The following PLXNB2 variants were observed in gnomAD, a reference collection of about 807,000 sequenced individuals.
The protein encoded by PLXNB2 is plexin B2, also known as plexin-B2.
In PLXNB2, 85 loss-of-function variants were observed where a neutral mutation model predicts 202.6. The observed-to-expected ratio is 0.42, with a 90% confidence interval of 0.35 to 0.50. PLXNB2 has a LOEUF of 0.50. Among genes scored for constraint, PLXNB2 ranks in the 20% least tolerant of loss-of-function variants. The probability of loss-of-function intolerance (pLI) is 0.02; values close to 1 mark genes in which losing one functional copy is unlikely to be tolerated. For synonymous variants in PLXNB2, 1,239 were observed against 1,137.6 expected (o/e 1.09, Z -1.79); for missense variants, 2,063 against 2,586.2 (o/e 0.80, Z 4.39).
At chr22:50,301,861 G>A (rs909053543) in intron 1 of PLXNB2, among the ~76,000 whole-genome samples, 3 of 152,244 alleles carry the variant, frequency 2.0e-5, no homozygotes, top group African/African-American at 7.2e-5. Flanking sequence ...AATTAGCTTG[G>A]GGCACCGCGC....
intron 1 of PLXNB2, among the ~76,000 whole-genome samples, chr22:50,299,550 G>A (rs532548634): frequency 1.1e-4 from 16 of 152,288 alleles, no homozygotes; most frequent in African/African-American, 2.6e-4. Context: ...CAAAACAGAC[G>A]CGCCGGCGAA....
intron 1 of PLXNB2, among the ~76,000 whole-genome samples, chr22:50,300,669 G>A (rs1219439791): frequency 1.3e-5 from 2 of 152,190 alleles, no homozygotes; most frequent in East Asian, 1.9e-4. Flanking sequence ...GGAGGCCGTC[G>A]CACCCCTTCC....
At chr22:50,306,400 A>G (rs964732797) in intron 1 of PLXNB2, among the ~76,000 whole-genome samples, 2 of 152,008 alleles carry the variant, frequency 1.3e-5, no homozygotes, top group Admixed American at 1.3e-4. Flanking sequence ...GGAGACCCTC[A>G]CCTCTGGACA....
intron 28 of PLXNB2, 42 bp from the exon 29 acceptor site, chr22:50,278,738 G>C: frequency 6.3e-7 from 1 of 1,589,336 alleles, no homozygotes; most frequent in Non-Finnish European, 8.6e-7. Context: ...AGCCACCCAG[G>C]TTCCTCCCAC....
Position 50,288,857 on chromosome 22 carries a change from T to C in PLXNB2, c.1266A>G (p.Pro422=), listed in dbSNP as rs1161530535. 7 of 1,613,272 alleles carry C rather than the reference T, an allele frequency of 4.3e-6. No individual in the cohort carries two copies. In the Admixed American group the frequency reaches 8.3e-5, roughly 19 times the overall value. Residue 422 remains proline (P), a synonymous_variant, in exon 5 of 37, where the codon CCA becomes CCG. Coordinates refer to ENST00000359337, the MANE Select transcript of PLXNB2 (RefSeq NM_012401.4). This position sits in a 1 kb window ranked among gnomAD's most constrained non-coding sequence, Gnocchi z 5.0. Reference sequence around the variant, plus strand: ...AGTCGTACTCTGAGGAGGTGCCATCTGGGGTGAGGTACACCTGTGTGCGCG... The same window carrying C: ...AGTCGTACTCTGAGGAGGTGCCATCCGGGGTGAGGTACACCTGTGTGCGCG... The part of the protein sequence containing the change: ...DGRILKVYLT[P]DGTSSEYDSI...
intron 1 of PLXNB2, among the ~76,000 whole-genome samples, chr22:50,300,668 C>G (rs966075394): frequency 6.6e-6 from 1 of 152,216 alleles, no homozygotes; most frequent in African/African-American, 2.4e-5. Context: ...TGGAGGCCGT[C>G]GCACCCCTTC....
In PLXNB2 at chr22:50,288,700, C is replaced by A; in HGVS notation, c.1380+43G>T. On this transcript the variant is annotated intron_variant, in intron 5 of 36. Transcript: ENST00000359337. This position sits in a 1 kb window ranked among gnomAD's most constrained non-coding sequence, Gnocchi z 5.0. ...AAGGGCCTGGGATGCAATGACCGGG[C>A]ACACTTGGCCTAGAGTGCTCTCCGG... 1 of 1,606,874 alleles carries A rather than the reference C, an allele frequency of 6.2e-7. No individual in the cohort carries two copies. Among genetic ancestry groups the A allele is most frequent in the Non-Finnish European group, 8.5e-7 (1 of 1,176,882 alleles).
At chr22:50,300,905 C>CTGG (rs1310337385) in intron 1 of PLXNB2, among the ~76,000 whole-genome samples, 2 of 152,200 alleles carry the variant, frequency 1.3e-5, no homozygotes, top group Non-Finnish European at 2.9e-5. Flanking sequence ...CCCAGGCCAC[C>CTGG]TGGTACCCAG....
Position 50,290,278 on chromosome 22 carries a change from C to T in PLXNB2, c.307G>A (p.Asp103Asn). Residue 103 changes from aspartate (D) to asparagine (N), a missense_variant, in exon 3 of 37, where the codon GAC becomes AAC. Around this residue, in one of 2 missense-constraint regions of PLXNB2, gnomAD observed 1,303 missense variants for 1,476.8 expected, o/e 0.88. Transcript: ENST00000359337. Reference sequence around the variant, plus strand: ...TCCACCAGGCGCTTCCTGGGAGGGTCGAGCAGCAGCAGCTGGTTGACATTG... The same window carrying T: ...TCCACCAGGCGCTTCCTGGGAGGGTTGAGCAGCAGCAGCTGGTTGACATTG... ...TDNVNQLLLL[D>N]PPRKRLVECG... is the part of the protein sequence containing the mutation. 6.2e-7 allele frequency: 1 copy of T among 1,611,744 alleles called. No homozygotes were observed. Among genetic ancestry groups the T allele is most frequent in the Non-Finnish European group, 8.5e-7 (1 of 1,180,022 alleles).
At position 50,281,169 on chromosome 22, in the gene PLXNB2, T is replaced by C; in HGVS notation, c.3683A>G (p.Glu1228Gly). The C allele has an allele frequency of 6.2e-7, 1 of 1,612,904 alleles. No homozygotes were observed. Among genetic ancestry groups the C allele is most frequent in the Non-Finnish European group, 8.5e-7 (1 of 1,179,856 alleles). Residue 1228 changes from glutamate to glycine, a missense_variant, in exon 23 of 37, where the codon GAA becomes GGA. Coordinates refer to ENST00000359337, the MANE Select transcript of PLXNB2 (RefSeq NM_012401.4). ...YCYWRKSQQA[E>G]REYEKIKSQL... is the part of the protein sequence containing the mutation. ...GGACTTGATCTTCTCATACTCTCGT[T>C]CGGCCTGCTGGCTCTTCCTCCTGCA...
At chr22:50,283,483 G>A (rs766212136) in intron 15 of PLXNB2, 38 bp from the exon 16 acceptor site, 37 of 1,134,556 alleles carry the variant, frequency 3.3e-5, no homozygotes, top group East Asian at 7.6e-5. Context: ...GGCACTCCCC[G>A]ACCCACCCCA....
In PLXNB2 at chr22:50,278,821, G is replaced by C. The variant is rs371461721; in HGVS notation, c.4546+34C>G. On this transcript the variant is annotated intron_variant, in intron 28 of 36. Coordinates refer to ENST00000359337, the MANE Select transcript of PLXNB2 (RefSeq NM_012401.4). ...CAGGACACAGGCCAGGCACATGGGC[G>C]CCTGTGTGCAGACGGGCAGGGGCCG... 5.6e-6 allele frequency: 9 copies of C among 1,601,986 alleles called. No homozygotes were observed. In the African/African-American group the frequency reaches 1.1e-4, roughly 19 times the overall value.
rs978773806 is a variant in PLXNB2, at chr22:50,275,068, G to A, written c.*636C>T. The A allele has an allele frequency of 5.1e-6, 1 of 195,746 alleles. No individual in the cohort carries two copies. Among genetic ancestry groups the A allele is most frequent in the Non-Finnish European group, 1.1e-5 (1 of 93,768 alleles). The allele number at this position is 195,746 out of a possible 1,614,324, so 12.1% of individuals were successfully genotyped here. The stretch of plus-strand genomic sequence containing the variant: ...TCTTGGAACTGCTCCCAGTCCCCCC[G>A]GACTGGGTGGGGCTCTAGGGCAGCC... On this transcript the variant is annotated 3_prime_UTR_variant, in exon 37 of 37. Coordinates refer to ENST00000359337, the MANE Select transcript of PLXNB2 (RefSeq NM_012401.4).
intron 2 of PLXNB2, among the ~76,000 whole-genome samples, chr22:50,290,806 C>A (rs941726321): frequency 5.9e-5 from 9 of 152,218 alleles, no homozygotes; most frequent in African/African-American, 2.2e-4. Flanking sequence ...CTCCTCAAGT[C>A]CACCCTGACT....
intron 6 of PLXNB2, 64 bp downstream of exon 6, chr22:50,287,873 C>A: frequency 6.3e-7 from 1 of 1,590,944 alleles, no homozygotes; most frequent in Admixed American, 1.7e-5. Context: ...GCCCCCCGAC[C>A]CAGGCCACGA....
At position 50,297,434 on chromosome 22, in the gene PLXNB2, G is replaced by A. The variant is rs575050449; in HGVS notation, c.-73-2656C>T. ...ACTCTCCTGGAGGAGGCTTTCTGCC[G>A]TCCTCTTCCCTGGCCCTCACCGTGG... On this transcript the variant is annotated intron_variant, in intron 1 of 36. Transcript: ENST00000359337. This position sits in a 1 kb window ranked among gnomAD's most constrained non-coding sequence, Gnocchi z 5.3. Among the ~76,000 whole-genome samples the A allele has an allele frequency of 2.6e-4, 40 of 152,270 alleles. No homozygotes were observed. Among genetic ancestry groups the A allele is most frequent in the Admixed American group, 2.1e-3 (32 of 15,300 alleles).
chr22:50,296,372 C>G (rs559396754), intron 1 of PLXNB2, among the ~76,000 whole-genome samples: 3 of 144,986 alleles, frequency 2.1e-5, no homozygotes, highest in African/African-American at 5.7e-5. Context: ...TGATTGTGGG[C>G]AACAGAGCGA....
At chr22:50,306,451 G>GTGCCAGGGT (rs1569187823) in intron 1 of PLXNB2, among the ~76,000 whole-genome samples, 2 of 152,232 alleles carry the variant, frequency 1.3e-5, no homozygotes, top group African/African-American at 4.8e-5. Context: ...CAGCTGTTCC[G>GTGCCAGGGT]TGCCAGGGTC....
rs1421311370 is a variant in PLXNB2 at position 50,297,812 on chromosome 22, G to C, written c.-73-3034C>G. Among the ~76,000 whole-genome samples, 3 of 152,158 alleles carry C rather than the reference G, an allele frequency of 2.0e-5. No individual in the cohort carries two copies. The highest frequency in any genetic ancestry group is 4.4e-5 in the Non-Finnish European group (3 of 68,030). ...ATTCAGAAAGCTGCTCTGTGCCTCA[G>C]TTTCCCCATATGTAACCTGGGGGTC... On this transcript the variant is annotated intron_variant, in intron 1 of 36. Coordinates refer to ENST00000359337, the MANE Select transcript of PLXNB2 (RefSeq NM_012401.4). This position sits in a 1 kb window ranked among gnomAD's most constrained non-coding sequence, Gnocchi z 5.3.
Sources: gnomAD v4.1 joint callset for allele counts (sites outside exome capture counted in the v4.1 genomes callset) on GRCh38, gnomAD v4.1.1 for gene constraint, gnomAD v4.1.1 regional missense constraint, Gnocchi (gnomAD v3.1) non-coding constraint, MANE v1.5 for transcripts, NCBI Gene and HGNC (gene_info 2026-07-23, HGNC 2026-07-21) for gene names.